The following ASH1L variants were observed in gnomAD, a reference collection of about 807,000 sequenced individuals.
The protein encoded by ASH1L is histone-lysine N-methyltransferase ASH1L.
ASH1L carries 23 observed loss-of-function variants against 269.0 expected under a neutral mutation model. That is an observed-to-expected ratio of 0.09 (90% confidence interval 0.06 to 0.12). The LOEUF (loss-of-function observed/expected upper bound fraction) is 0.12. ASH1L is among the 10% of genes least tolerant of loss of function. ASH1L has a pLI of 1.00. For synonymous variants in ASH1L, 1,187 were observed against 1,253.5 expected (o/e 0.95, Z 1.12); for missense variants, 2,912 against 3,567.8 (o/e 0.82, Z 4.68).
intron 10 of ASH1L, among the ~76,000 whole-genome samples, chr1:155,371,500 A>G (rs896426043): frequency 5.9e-5 from 9 of 152,152 alleles, no homozygotes; most frequent in Non-Finnish European, 1.0e-4. Flanking sequence ...GTAAGCAGAG[A>G]TCGCACCACT....
chr1:155,477,955 T>C lies in ASH1L; in HGVS notation c.4915A>G (p.Thr1639Ala). The change falls in exon 3 of 28, where the codon ACT (threonine) becomes GCT (alanine). Residue 1639 changes from threonine (T) to alanine (A), a missense_variant. Thr to Ala is a moderately conservative substitution (Grantham distance 58). This residue lies in a region of ASH1L where 789 missense variants were observed against 897.6 expected (regional missense o/e 0.88). Coordinates refer to ENST00000392403, the MANE Select transcript of ASH1L (RefSeq NM_018489.3). The stretch of plus-strand genomic sequence containing the variant: ...TTTCTGTGAAGCCGATTTAGTGAAG[T>C]GTCCTGTGCAGAAAAGAGTCCAGGG... Reference protein sequence around the residue: ...DSPGLFSAQDTSLNRLHRKES... With the variant: ...DSPGLFSAQDASLNRLHRKES... The C allele has an allele frequency of 6.2e-7, 1 of 1,614,226 alleles. No homozygotes were observed. The highest frequency in any genetic ancestry group is 8.5e-7 in the Non-Finnish European group (1 of 1,180,020).
intron 25 of ASH1L, 118 bp downstream of exon 25, chr1:155,341,818 G>T: frequency 9.7e-7 from 1 of 1,031,642 alleles, no homozygotes; most frequent in Non-Finnish European, 1.5e-6. Context: ...GATATCCATA[G>T]TTTGGGATGG....
At chr1:155,545,720 T>G (rs1383881941) in intron 1 of ASH1L, among the ~76,000 whole-genome samples, 1 of 152,074 alleles carries the variant, frequency 6.6e-6, no homozygotes, top group Non-Finnish European at 1.5e-5. Context: ...CATTAAAAAC[T>G]TATTTTAAAA....
chr1:155,372,285 C>T (rs1192331595), intron 10 of ASH1L, among the ~76,000 whole-genome samples: 2 of 150,850 alleles, frequency 1.3e-5, no homozygotes, highest in Non-Finnish European at 3.0e-5. Flanking sequence ...AGCCACTGTG[C>T]CCAGCCAGTT....
chr1:155,481,520 C>T lies in ASH1L; in HGVS notation c.1350G>A (p.Gln450=). 1.9e-6 allele frequency: 3 copies of T among 1,614,100 alleles called. No homozygotes were observed. Among genetic ancestry groups the T allele is most frequent in the Non-Finnish European group, 2.5e-6 (3 of 1,179,996 alleles). The change falls in exon 3 of 28, where the codon CAG becomes CAA. Residue 450 remains glutamine (Q), a synonymous_variant. Transcript: ENST00000392403. ...CSTNINNQES[Q]ELSESLKDSA... Reference sequence around the variant, plus strand: ...TATCTTTCAGGGATTCAGAAAGTTCCTGACTTTCCTGATTATTGATGTTTG... The same window carrying T: ...TATCTTTCAGGGATTCAGAAAGTTCTTGACTTTCCTGATTATTGATGTTTG...
intron 1 of ASH1L, among the ~76,000 whole-genome samples, chr1:155,558,226 T>C (rs1347272803): frequency 6.6e-6 from 1 of 152,088 alleles, no homozygotes; most frequent in Admixed American, 6.6e-5. Flanking sequence ...CCCAACACTT[T>C]GGGAGGCCGA....
intron 1 of ASH1L, among the ~76,000 whole-genome samples, chr1:155,550,058 T>C (rs1355584480): frequency 6.6e-6 from 1 of 152,042 alleles, no homozygotes; most frequent in Non-Finnish European, 1.5e-5. Context: ...TCTCGCTCTG[T>C]TGCCCAAGCT....
rs775429963 is a variant in ASH1L, at chr1:155,370,649, T to C, written c.6541A>G (p.Asn2181Asp). Residue 2181 changes from asparagine (N) to aspartate (D), a missense_variant and splice_region_variant, in exon 12 of 28, where the codon AAC becomes GAC. Coordinates refer to ENST00000392403, the MANE Select transcript of ASH1L (RefSeq NM_018489.3). ...GEVVSEQEFR[N>D]RMIEQYHNHS... Reference sequence around the variant, plus strand: ...TTATGATACTGCTCAATCATCCTGTTCCTAAAGAGAAGATAAATGATTGAA... The same window carrying C: ...TTATGATACTGCTCAATCATCCTGTCCCTAAAGAGAAGATAAATGATTGAA... 1.9e-6 allele frequency: 3 copies of C among 1,614,068 alleles called. No individual in the cohort carries two copies. Among genetic ancestry groups the C allele is most frequent in the Non-Finnish European group, 2.5e-6 (3 of 1,179,974 alleles).
intron 1 of ASH1L, among the ~76,000 whole-genome samples, chr1:155,545,582 C>G (rs1670751243): frequency 6.7e-6 from 1 of 149,466 alleles, no homozygotes; most frequent in Admixed American, 6.7e-5. Flanking sequence ...GATTACACAC[C>G]AAATTGATAG....
intron 4 of ASH1L, among the ~76,000 whole-genome samples, chr1:155,455,840 G>T (rs1344644962): frequency 2.6e-5 from 4 of 152,322 alleles, no homozygotes; most frequent in South Asian, 4.2e-4. Context: ...CAGAGAATTA[G>T]TAAGAGCTTG....
chr1:155,523,669 C>T (rs145909643), intron 1 of ASH1L, among the ~76,000 whole-genome samples: 1 of 152,118 alleles, frequency 6.6e-6, no homozygotes. Flanking sequence ...GTCACCAGTT[C>T]GAGTCTAGCC....
At chr1:155,446,472 T>TAATTTTTGC (rs1663037660) in intron 4 of ASH1L, among the ~76,000 whole-genome samples, 1 of 151,204 alleles carries the variant, frequency 6.6e-6, no homozygotes, top group Non-Finnish European at 1.5e-5. Context: ...CTAATTTTTG[T>TAATTTTTGC]AATTTTTGCA....
At chr1:155,387,179 G>C (rs1657508388) in intron 7 of ASH1L, among the ~76,000 whole-genome samples, 1 of 152,122 alleles carries the variant, frequency 6.6e-6, no homozygotes, top group South Asian at 2.1e-4. Flanking sequence ...TTGCCATGTT[G>C]ATCAGGCTGG....
intron 5 of ASH1L, among the ~76,000 whole-genome samples, chr1:155,428,934 A>G (rs926846304): frequency 4.6e-5 from 7 of 152,000 alleles, no homozygotes; most frequent in African/African-American, 1.7e-4. Flanking sequence ...TCACACCTCT[A>G]TATTTCTGTG....
chr1:155,453,846 T>C (rs1663679036), intron 4 of ASH1L, among the ~76,000 whole-genome samples: 1 of 151,842 alleles, frequency 6.6e-6, no homozygotes, highest in African/African-American at 2.4e-5. Flanking sequence ...CTCACGCCTG[T>C]AATCCCAGCA....
At chr1:155,531,295 A>C (rs558198920) in intron 1 of ASH1L, among the ~76,000 whole-genome samples, 33 of 152,226 alleles carry the variant, frequency 2.2e-4, no homozygotes, top group Admixed American at 7.9e-4. Flanking sequence ...AAAGAATTCC[A>C]TGTCTTAATA....
In ASH1L at chr1:155,521,569, G is replaced by C; in HGVS notation, c.-50C>G. 6.6e-7 allele frequency: 1 copy of C among 1,514,028 alleles called. No homozygotes were observed. The highest frequency in any genetic ancestry group is 8.9e-7 in the Non-Finnish European group (1 of 1,124,824). 93.8% of individuals were successfully genotyped at this position (1,514,028 alleles called of 1,614,324 possible). On this transcript the variant is annotated 5_prime_UTR_variant, in exon 2 of 28. Coordinates refer to ENST00000392403, the MANE Select transcript of ASH1L (RefSeq NM_018489.3). ...AATCTTATGAAAATTTTACAGAACT[G>C]TGTTCCATAAAAAACAAGGATCTCC...
intron 16 of ASH1L, among the ~76,000 whole-genome samples, chr1:155,353,890 T>G (rs1212306366): frequency 6.6e-6 from 1 of 152,206 alleles, no homozygotes; most frequent in Non-Finnish European, 1.5e-5. Context: ...CAAGTTATTT[T>G]CAAGGTAGGA....
intron 2 of ASH1L, among the ~76,000 whole-genome samples, chr1:155,492,381 C>T (rs866477458): frequency 1.4e-4 from 22 of 152,118 alleles, no homozygotes; most frequent in African/African-American, 3.9e-4. Flanking sequence ...TCCTTCTAGA[C>T]GACAATCTTC....
Sources: gnomAD v4.1 joint callset for allele counts (sites outside exome capture counted in the v4.1 genomes callset) on GRCh38, gnomAD v4.1.1 for gene constraint, gnomAD v4.1.1 regional missense constraint, MANE v1.5 for transcripts, NCBI Gene and HGNC (gene_info 2026-07-23, HGNC 2026-07-21) for gene names.